SPCS2: variants seen among roughly 807,000 people sequenced by gnomAD.
SPCS2 encodes signal peptidase complex subunit 2.
In SPCS2, 3 loss-of-function variants were observed where a neutral mutation model predicts 22.3. The ratio of observed to expected loss-of-function variants is 0.13; its 90% CI spans 0.06 to 0.35. The LOEUF is 0.35. Ranked by LOEUF, SPCS2 falls within the 10% of genes least tolerant of loss-of-function variation. The probability of loss-of-function intolerance (pLI) is 1.00; values close to 1 mark genes in which losing one functional copy is unlikely to be tolerated. For missense variants in SPCS2, 169 were observed against 280.9 expected, an observed-to-expected ratio of 0.60 and a Z score of 2.85; for synonymous variants, 67 against 97.2, an observed-to-expected ratio of 0.69 and a Z score of 1.83.
intron 1 of SPCS2, among the ~76,000 whole-genome samples, chr11:74,950,442 A>T (rs1948389311): frequency 6.6e-6 from 1 of 152,244 alleles, no homozygotes; most frequent in African/African-American, 2.4e-5. Context: ...TTCCCTGTGC[A>T]TAACACATGG....
chr11:74,958,046 A>C (rs531626354), intron 1 of SPCS2, among the ~76,000 whole-genome samples: 4 of 152,342 alleles, frequency 2.6e-5, no homozygotes, highest in African/African-American at 9.6e-5. Context: ...TGTTTAAGTC[A>C]TGGATCCAGT....
At chr11:74,968,176 A>AT (rs1948558219) in intron 3 of SPCS2, 1 of 152,032 alleles carries the variant, frequency 6.6e-6, no homozygotes, top group Non-Finnish European at 1.5e-5. Context: ...AAATTTATCT[A>AT]TTTTTTAACT....
intron 1 of SPCS2, chr11:74,949,726 C>A: frequency 2.2e-6 from 1 of 453,314 alleles, no homozygotes; most frequent in Non-Finnish European, 4.4e-6. Context: ...TGTCAGTGCC[C>A]ATTTCACAGA....
intron 1 of SPCS2, among the ~76,000 whole-genome samples, chr11:74,960,387 G>T (rs1948505339): frequency 1.3e-5 from 2 of 152,044 alleles, no homozygotes; most frequent in South Asian, 4.1e-4. Flanking sequence ...ATTTCTTTAA[G>T]ATAGTACTTT....
At chr11:74,960,597 T>C (rs1035200057) in intron 1 of SPCS2, among the ~76,000 whole-genome samples, 17 of 118,386 alleles carry the variant, frequency 1.4e-4, no homozygotes, top group African/African-American at 5.2e-4. Flanking sequence ...TCTCTTTGTT[T>C]CCTGTTCTTT....
At chr11:74,955,884 A>G (rs867349425) in intron 1 of SPCS2, among the ~76,000 whole-genome samples, 2 of 127,846 alleles carry the variant, frequency 1.6e-5, no homozygotes, top group African/African-American at 6.0e-5. Flanking sequence ...ATATATATAT[A>G]TATCTGCCTG....
Position 74,962,395 on chromosome 11 carries a change from C to A in SPCS2, c.115-2639C>A, listed in dbSNP as rs115788692. On this transcript the variant is annotated intron_variant, in intron 1 of 4. Transcript: ENST00000263672. ...AACAAGCCTTGCTAAAGATGGCAGT[C>A]TTGGACCCAGGTTCACTTATTTCTG... Among the ~76,000 whole-genome samples the A allele has an allele frequency of 5.3e-3, 804 of 152,288 alleles. 8 individuals carry two copies. Among genetic ancestry groups the A allele is most frequent in the African/African-American group, 0.018 (765 of 41,556 alleles).
chr11:74,956,833 A>G (rs1489593970), intron 1 of SPCS2, among the ~76,000 whole-genome samples: 1 of 151,756 alleles, frequency 6.6e-6, no homozygotes, highest in Non-Finnish European at 1.5e-5. Context: ...TTGAGTCATT[A>G]TACTCTGGAA....
intron 1 of SPCS2, among the ~76,000 whole-genome samples, chr11:74,958,419 A>T (rs2140215520): frequency 6.6e-6 from 1 of 152,306 alleles, no homozygotes; most frequent in East Asian, 1.9e-4. Context: ...CTGAATTGGG[A>T]TCTAAATTAG....
At position 74,969,547 on chromosome 11, in the gene SPCS2, C is replaced by T. The variant is rs763969476; in HGVS notation, c.360-18C>T. 1.2e-6 allele frequency: 2 copies of T among 1,610,120 alleles called. No individual in the cohort carries two copies. The highest frequency in any genetic ancestry group is 1.7e-6 in the Non-Finnish European group (2 of 1,177,652). On this transcript the variant is annotated intron_variant, in intron 3 of 4. Transcript: ENST00000263672. ...TCTCTTTTATGTTTGGGTATTTTCCCCTTAACTTTATTTGAACCTATTTTG... is the reference window on the plus strand; with the variant it reads ...TCTCTTTTATGTTTGGGTATTTTCCTCTTAACTTTATTTGAACCTATTTTG...
At chr11:74,965,671 CAT>C in intron 2 of SPCS2, 90 bp from the exon 3 acceptor site, 1 of 1,118,414 alleles carries the variant, frequency 8.9e-7, no homozygotes, top group South Asian at 1.5e-5. Context: ...CTTGGTAATT[CAT>C]ATGATTCTTT....
At chr11:74,974,565 T>A (rs1948604907) in intron 4 of SPCS2, among the ~76,000 whole-genome samples, 1 of 152,180 alleles carries the variant, frequency 6.6e-6, no homozygotes, top group Non-Finnish European at 1.5e-5. Context: ...CCATTTACCA[T>A]CTCCACAGCT....
At chr11:74,961,033 A>AT (rs1309856333) in intron 1 of SPCS2, among the ~76,000 whole-genome samples, 1 of 149,934 alleles carries the variant, frequency 6.7e-6, no homozygotes, top group Non-Finnish European at 1.5e-5. Context: ...GGATTTAGAC[A>AT]TTAAAAAAAA....
chr11:74,957,434 T>C (rs1260397504), intron 1 of SPCS2, among the ~76,000 whole-genome samples: 1 of 152,192 alleles, frequency 6.6e-6, no homozygotes, highest in Non-Finnish European at 1.5e-5. Flanking sequence ...TCAGAACTGA[T>C]TGCATGTAAT....
Position 74,965,187 on chromosome 11 carries a change from C to G in SPCS2, c.198+70C>G. The G allele has an allele frequency of 3.8e-6, 4 of 1,061,732 alleles. No individual in the cohort carries two copies. The South Asian group carries it at 6.4e-5, about 17-fold the overall frequency. 65.8% of individuals were successfully genotyped at this position (1,061,732 alleles called of 1,614,324 possible). ...GCCATCTCTCCTGGGAAATCTTTTC[C>G]TTTTGTAACTTGGAGTGACCTTAGT... On this transcript the variant is annotated intron_variant, in intron 2 of 4. Transcript: ENST00000263672.
chr11:74,969,672 T>A lies in SPCS2; in HGVS notation c.467T>A (p.Ile156Asn). The A allele has an allele frequency of 6.2e-7, 1 of 1,613,762 alleles. No homozygotes were observed. Among genetic ancestry groups the A allele is most frequent in the Non-Finnish European group, 8.5e-7 (1 of 1,179,696 alleles). The change falls in exon 4 of 5, where the codon ATT (isoleucine) becomes AAT (asparagine). Residue 156 changes from isoleucine (I) to asparagine (N), a missense_variant. Around this residue, in one of 2 missense-constraint regions of SPCS2, gnomAD observed 118 missense variants for 243.1 expected, o/e 0.49. Transcript: ENST00000263672. ...KDPTGMDPDD[I>N]WQLSSSLKRF... ...CCTACAGGAATGGATCCTGATGATA[T>A]TTGGCAGCTGTCCTCCAGTCTTAAA...
At chr11:74,957,970 C>T (rs1369461791) in intron 1 of SPCS2, among the ~76,000 whole-genome samples, 2 of 152,212 alleles carry the variant, frequency 1.3e-5, no homozygotes, top group Admixed American at 6.5e-5. Flanking sequence ...TATGCTGAAT[C>T]AAGTTGTTTT....
Position 74,977,374 on chromosome 11 carries a change from ATT to A in SPCS2, c.*334_*335del, listed in dbSNP as rs2140223009. On this transcript the variant is annotated 3_prime_UTR_variant, in exon 5 of 5. Coordinates refer to ENST00000263672, the MANE Select transcript of SPCS2 (RefSeq NM_014752.3). Reference sequence around the variant, plus strand: ...ATAGTATAGCTTTGGGCCATGTAGCATTTTAAGACTCAATTTTAAAAAATTAT... The same window carrying A: ...ATAGTATAGCTTTGGGCCATGTAGCATTAAGACTCAATTTTAAAAAATTAT... The A allele has an allele frequency of 6.6e-6, 1 of 151,090 alleles. No homozygotes were observed. Among genetic ancestry groups the A allele is most frequent in the East Asian group, 2.0e-4 (1 of 5,090 alleles). The allele number at this position is 151,090 out of a possible 1,614,324, so 9.4% of individuals were successfully genotyped here. A position where few individuals can be genotyped will look rare whatever the true frequency, so the allele number is the denominator to read the frequency against.
intron 1 of SPCS2, among the ~76,000 whole-genome samples, chr11:74,963,327 A>AG (rs1197753976): frequency 1.3e-5 from 2 of 152,106 alleles, no homozygotes; most frequent in East Asian, 1.9e-4. Context: ...CAGGGCACCA[A>AG]GGGGGAAAAA....
Sources: gnomAD v4.1 joint callset for allele counts (sites outside exome capture counted in the v4.1 genomes callset) on GRCh38, gnomAD v4.1.1 for gene constraint, gnomAD v4.1.1 regional missense constraint, MANE v1.5 for transcripts, NCBI Gene and HGNC (gene_info 2026-07-23, HGNC 2026-07-21) for gene names.